Variants in LIMCH1 observed in about 807,000 individuals in gnomAD.
The protein encoded by LIMCH1 is LIM and calponin homology domains-containing protein 1.
A neutral mutation model predicts 176.5 loss-of-function variants in LIMCH1; 113 were observed. The observed-to-expected ratio is 0.64, with a 90% CI of 0.55 to 0.75. LIMCH1 has a LOEUF of 0.75. Among genes scored for constraint, LIMCH1 ranks in the 30% least tolerant of loss-of-function variants. LIMCH1 has a pLI of 0.00. For missense variants in LIMCH1, 1,674 were observed against 1,814.9 expected, an observed-to-expected ratio of 0.92 and a Z score of 1.41; for synonymous variants, 619 against 645.9, an observed-to-expected ratio of 0.96 and a Z score of 0.63.
intron 1 of LIMCH1, among the ~76,000 whole-genome samples, chr4:41,470,942 A>G (rs2066867854): frequency 6.6e-6 from 1 of 151,840 alleles, no homozygotes; most frequent in Non-Finnish European, 1.5e-5. Context: ...GGAACTACAA[A>G]GGTTAGGGAA....
At chr4:41,563,127 G>A (rs529053693) in intron 1 of LIMCH1, among the ~76,000 whole-genome samples, 59 of 152,222 alleles carry the variant, frequency 3.9e-4, no homozygotes, top group South Asian at 3.5e-3. Flanking sequence ...AGCATAAACC[G>A]TGGCCTATAT....
chr4:41,602,959 G>A (rs539226079), intron 2 of LIMCH1, among the ~76,000 whole-genome samples: 53 of 152,176 alleles, frequency 3.5e-4, no homozygotes, highest in African/African-American at 1.2e-3. Flanking sequence ...TTGTTGATGG[G>A]TTTATTTCCA....
At chr4:41,369,693 G>T (rs943456053) in intron 1 of LIMCH1, among the ~76,000 whole-genome samples, 2 of 152,072 alleles carry the variant, frequency 1.3e-5, no homozygotes, top group African/African-American at 4.8e-5. Context: ...GTGTGTGTGT[G>T]TGGTGGGGGG....
At chr4:41,411,018 C>T (rs184651021) in intron 1 of LIMCH1, among the ~76,000 whole-genome samples, 1 of 152,318 alleles carries the variant, frequency 6.6e-6, no homozygotes, top group East Asian at 1.9e-4. Context: ...TATTTCTTCT[C>T]CCTTATTACG....
chr4:41,697,324 G>T lies in LIMCH1; in HGVS notation c.*139G>T. 20 of 641,204 alleles carry T rather than the reference G, an allele frequency of 3.1e-5. No individual in the cohort carries two copies. The highest frequency in any genetic ancestry group is 4.5e-5 in the South Asian group (2 of 44,344). The allele number at this position is 641,204 out of a possible 1,614,324, so 39.7% of individuals were successfully genotyped here. On this transcript the variant is annotated 3_prime_UTR_variant, in exon 32 of 32. Coordinates refer to ENST00000503057, the MANE Select transcript of LIMCH1 (RefSeq NM_001330672.2). Reference sequence around the variant, plus strand: ...AAGGCTCTTCTGAAAGGTGGTATCTGTTCTTTCGTAGCACAGTGTTTATGT... The same window carrying T: ...AAGGCTCTTCTGAAAGGTGGTATCTTTTCTTTCGTAGCACAGTGTTTATGT...
intron 28 of LIMCH1, among the ~76,000 whole-genome samples, chr4:41,686,262 G>C (rs1281811034): frequency 6.6e-6 from 1 of 152,128 alleles, no homozygotes; most frequent in Non-Finnish European, 1.5e-5. Flanking sequence ...GACAATAATA[G>C]TTTCTATCGT....
intron 1 of LIMCH1, among the ~76,000 whole-genome samples, chr4:41,562,705 G>A (rs1240147345): frequency 6.6e-6 from 1 of 152,090 alleles, no homozygotes; most frequent in Non-Finnish European, 1.5e-5. Context: ...AGTTCAGGCT[G>A]GAGTCTGGAA....
At chr4:41,488,124 A>G (rs895739710) in intron 1 of LIMCH1, among the ~76,000 whole-genome samples, 3 of 152,208 alleles carry the variant, frequency 2.0e-5, no homozygotes, top group African/African-American at 7.2e-5. Context: ...TCTGAAATAA[A>G]TGTAGCTAAA....
chr4:41,441,309 G>T (rs1008369709), intron 1 of LIMCH1, among the ~76,000 whole-genome samples: 2 of 152,162 alleles, frequency 1.3e-5, no homozygotes, highest in African/African-American at 4.8e-5. Context: ...TTTAAGCAAA[G>T]ATCTAATTAA....
intron 4 of LIMCH1, among the ~76,000 whole-genome samples, chr4:41,607,480 C>G (rs950237494): frequency 1.3e-5 from 2 of 152,148 alleles, no homozygotes; most frequent in Admixed American, 1.3e-4. Flanking sequence ...TCTTATTTGC[C>G]CTTTAATTTC....
At chr4:41,397,894 G>A (rs1420269996) in intron 1 of LIMCH1, among the ~76,000 whole-genome samples, 1 of 151,692 alleles carries the variant, frequency 6.6e-6, no homozygotes, top group Non-Finnish European at 1.5e-5. Context: ...TGTCTTTCTG[G>A]TGAATTACAA....
At position 41,369,965 on chromosome 4, in the gene LIMCH1, A is replaced by C. The variant is rs1412440190; in HGVS notation, c.96+9029A>C. Among the ~76,000 whole-genome samples the C allele has an allele frequency of 6.5e-5, 4 of 61,240 alleles. No homozygotes were observed. The South Asian group carries it at 2.3e-3, about 35-fold the overall frequency. 40.2% of individuals were successfully genotyped at this position (61,240 alleles called of 152,430 possible). On this transcript the variant is annotated intron_variant, in intron 1 of 26. Coordinates refer to the LIMCH1 transcript ENST00000313860. ...GTGTGTGTGTGTGTGTGTGTTTTGT[A>C]GTGATTAAAAAAAGCAGTTTACCCA...
In LIMCH1 at chr4:41,381,515, T is replaced by TAC. The variant is rs139281120; in HGVS notation, c.96+20580_96+20581dup. ...AGTTTTCCATCCTGTCCTGTGTACATACCCCTTGCCAAGTGACTGCCGTTC... is the reference window on the plus strand; with the variant it reads ...AGTTTTCCATCCTGTCCTGTGTACATACACCCCTTGCCAAGTGACTGCCGTTC... On this transcript the variant is annotated intron_variant, in intron 1 of 26. Coordinates refer to the LIMCH1 transcript ENST00000313860. 7.3e-3 allele frequency among the ~76,000 whole-genome samples: 1,106 copies of TAC among 152,290 alleles called. 14 individuals carry two copies. The highest frequency in any genetic ancestry group is 0.024 in the African/African-American group (1,014 of 41,558).
intron 2 of LIMCH1, among the ~76,000 whole-genome samples, chr4:41,505,925 G>GACACACACACAC (rs36212568): frequency 0.041 from 5,514 of 134,538 alleles, 219 homozygotes; most frequent in African/African-American, 0.092. Context: ...CTGTGTTTCT[G>GACACACACACAC]ACACACACAC....
At chr4:41,577,000 A>G (rs1466203742) in intron 1 of LIMCH1, among the ~76,000 whole-genome samples, 1 of 152,156 alleles carries the variant, frequency 6.6e-6, no homozygotes, top group Non-Finnish European at 1.5e-5. Flanking sequence ...AAAAAAATAC[A>G]GCATTCCCAG....
At chr4:41,634,286 G>T (rs1162665488) in intron 13 of LIMCH1, among the ~76,000 whole-genome samples, 2 of 152,198 alleles carry the variant, frequency 1.3e-5, no homozygotes, top group Non-Finnish European at 2.9e-5. Flanking sequence ...GACGACTAAG[G>T]AAATAATTAT....
intron 1 of LIMCH1, among the ~76,000 whole-genome samples, chr4:41,438,754 GCA>G (rs1038310342): frequency 1.3e-5 from 2 of 151,518 alleles, no homozygotes; most frequent in African/African-American, 4.9e-5. Flanking sequence ...AGGGCTGACT[GCA>G]CAGGATCAGC....
At chr4:41,655,278 A>T (rs2094432086) in intron 18 of LIMCH1, among the ~76,000 whole-genome samples, 2 of 152,212 alleles carry the variant, frequency 1.3e-5, no homozygotes, top group Non-Finnish European at 2.9e-5. Context: ...TTTAAAAAGA[A>T]GTATAATAAT....
At chr4:41,673,610 G>GTACC (rs2095123054) in intron 22 of LIMCH1, among the ~76,000 whole-genome samples, 1 of 152,154 alleles carries the variant, frequency 6.6e-6, no homozygotes, top group South Asian at 2.1e-4. Flanking sequence ...CAGTCTTGGA[G>GTACC]TACCAGAGGC....
Sources: allele counts gnomAD v4.1 joint callset (sites outside exome capture counted in the v4.1 genomes callset), GRCh38; gene constraint gnomAD v4.1.1; transcripts MANE v1.5; gene names NCBI Gene and HGNC (gene_info 2026-07-23, HGNC 2026-07-21).